Variants in PARVB observed in about 807,000 individuals in gnomAD.
The protein encoded by PARVB is parvin beta.
PARVB carries 46 observed loss-of-function variants against 47.0 expected under a neutral mutation model. That is an observed-to-expected ratio of 0.98 (90% confidence interval 0.77 to 1.25). The LOEUF (loss-of-function observed/expected upper bound fraction) is 1.25, where lower values mean the gene tolerates loss of function less well. Ranked by LOEUF, PARVB falls within the 50% of genes most tolerant of loss-of-function variation. PARVB has a pLI of 0.00. For missense variants in PARVB, 473 were observed against 471.6 expected, an observed-to-expected ratio of 1.00 and a Z score of -0.03; for synonymous variants, 196 against 196.3, an observed-to-expected ratio of 1.00 and a Z score of 0.01.
intron 10 of PARVB, among the ~76,000 whole-genome samples, chr22:44,154,525 A>T (rs1601693127): frequency 7.8e-6 from 1 of 128,074 alleles, no homozygotes; most frequent in African/African-American, 3.1e-5. Flanking sequence ...TGGTTTATGT[A>T]GTCTGGTGGG....
chr22:44,008,093 T>G (rs140806177), intron 2 of PARVB, among the ~76,000 whole-genome samples: 12 of 152,222 alleles, frequency 7.9e-5, no homozygotes, highest in African/African-American at 2.2e-4. Context: ...ACAGGTTTTT[T>G]TTGTTGTTGT....
At chr22:44,024,517 G>C (rs896267830) in intron 1 of PARVB, 66 bp downstream of exon 1, 2 of 818,706 alleles carry the variant, frequency 2.4e-6, no homozygotes, top group African/African-American at 3.7e-5. Context: ...CTCGGCCCTA[G>C]AGCCCCACGA....
intron 7 of PARVB, among the ~76,000 whole-genome samples, chr22:44,137,328 CT>C (rs2053459095): frequency 6.6e-6 from 1 of 152,214 alleles, no homozygotes; most frequent in Non-Finnish European, 1.5e-5. Context: ...GCCTCCCAGT[CT>C]GCCCCAGGCC....
At chr22:44,014,127 T>G (rs1488496399) in intron 2 of PARVB, among the ~76,000 whole-genome samples, 2 of 152,194 alleles carry the variant, frequency 1.3e-5, no homozygotes, top group African/African-American at 4.8e-5. Context: ...TGTTCAAGGG[T>G]CCTGTGTTTG....
Position 44,068,782 on chromosome 22 carries a change from A to T in PARVB, c.113-25146A>T, listed in dbSNP as rs1014166024. Among the ~76,000 whole-genome samples the T allele has an allele frequency of 2.6e-5, 4 of 152,176 alleles. No individual in the cohort carries two copies. Among genetic ancestry groups the T allele is most frequent in the Admixed American group, 6.5e-5 (1 of 15,286 alleles). Reference sequence around the variant, plus strand: ...AGAGAGCAAAGGCAGTGGGAGGCCAATGTCTGTTGTTCAGTTTAGCTCTGA... The same window carrying T: ...AGAGAGCAAAGGCAGTGGGAGGCCATTGTCTGTTGTTCAGTTTAGCTCTGA... On this transcript the variant is annotated intron_variant, in intron 1 of 12. Transcript: ENST00000338758. This position sits in a 1 kb window ranked among gnomAD's most constrained non-coding sequence, Gnocchi z 4.1.
chr22:44,134,020 G>A (rs1188297917), intron 6 of PARVB, among the ~76,000 whole-genome samples: 2 of 152,198 alleles, frequency 1.3e-5, no homozygotes, highest in Non-Finnish European at 2.9e-5. Context: ...TTGAGGTCAC[G>A]CTCGGAACCT....
chr22:44,154,265 C>A (rs993156742), intron 10 of PARVB, among the ~76,000 whole-genome samples: 2 of 152,188 alleles, frequency 1.3e-5, no homozygotes, highest in African/African-American at 2.4e-5. Context: ...AACCACTGGT[C>A]CCCCAGAAAA....
intron 1 of PARVB, among the ~76,000 whole-genome samples, chr22:44,065,564 G>C (rs1281503813): frequency 2.0e-5 from 3 of 152,094 alleles, no homozygotes; most frequent in Non-Finnish European, 4.4e-5. Flanking sequence ...AGATTTTGGT[G>C]CACCCATCAC....
intron 8 of PARVB, chr22:44,143,021 C>T (rs2267618): frequency 0.44 from 66,354 of 152,114 alleles, 15,422 homozygotes; most frequent in Non-Finnish European, 0.51. Context: ...CCCGAGAGCA[C>T]CCCAGGGTGC....
chr22:44,127,594 A>G (rs981706013), intron 4 of PARVB, among the ~76,000 whole-genome samples: 4 of 152,226 alleles, frequency 2.6e-5, no homozygotes, highest in African/African-American at 9.6e-5. Context: ...GCTGTCAGCC[A>G]TTAGTGGTCA....
intron 9 of PARVB, chr22:44,148,285 G>T: frequency 5.8e-6 from 2 of 345,560 alleles, no homozygotes. Flanking sequence ...CAGTAAACAC[G>T]CAGGCCTGTG....
intron 4 of PARVB, among the ~76,000 whole-genome samples, chr22:44,129,070 C>A (rs2053253297): frequency 6.6e-6 from 1 of 152,076 alleles, no homozygotes; most frequent in African/African-American, 2.4e-5. Flanking sequence ...GAGAGTGAAA[C>A]TCCATCTCAA....
intron 4 of PARVB, among the ~76,000 whole-genome samples, chr22:44,128,027 C>G (rs62227724): frequency 0.041 from 6,315 of 152,286 alleles, 244 homozygotes; most frequent in South Asian, 0.18. Context: ...AAACGATCCT[C>G]CCACCTTGGC....
At chr22:44,053,379 G>C (rs1271470276) in intron 1 of PARVB, among the ~76,000 whole-genome samples, 5 of 151,934 alleles carry the variant, frequency 3.3e-5, no homozygotes, top group Admixed American at 3.3e-4. Flanking sequence ...ACCGCGCCCA[G>C]CCTGATGTTA....
intron 8 of PARVB, 159 bp from the exon 9 acceptor site, chr22:44,147,702 T>A (rs770011038): frequency 6.5e-6 from 5 of 769,756 alleles, no homozygotes; most frequent in South Asian, 4.1e-5. Flanking sequence ...ATCATCAGGG[T>A]CAGCCCTTTC....
At chr22:44,120,666 C>T (rs905372060) in intron 4 of PARVB, among the ~76,000 whole-genome samples, 1 of 152,060 alleles carries the variant, frequency 6.6e-6, no homozygotes, top group Non-Finnish European at 1.5e-5. Flanking sequence ...GTTAAAAAAA[C>T]CACTTTTTTA....
intron 8 of PARVB, chr22:44,142,087 TGAG>T (rs2053562845): frequency 6.6e-6 from 1 of 151,924 alleles, no homozygotes; most frequent in Non-Finnish European, 1.5e-5. Flanking sequence ...GGCCTAAAGA[TGAG>T]GAGAGGGCCG....
intron 1 of PARVB, among the ~76,000 whole-genome samples, chr22:44,033,093 A>G (rs1190227539): frequency 2.0e-5 from 3 of 152,184 alleles, no homozygotes; most frequent in Non-Finnish European, 1.5e-5. Flanking sequence ...CTCCAGTGCT[A>G]TTGTTTTTTT....
intron 4 of PARVB, among the ~76,000 whole-genome samples, chr22:44,129,539 A>G (rs2053264884): frequency 6.6e-6 from 1 of 152,178 alleles, no homozygotes; most frequent in African/African-American, 2.4e-5. Context: ...CAGACCACCC[A>G]GTTCTGTATG....
Sources: gnomAD v4.1 joint callset for allele counts (sites outside exome capture counted in the v4.1 genomes callset) on GRCh38, gnomAD v4.1.1 for gene constraint, Gnocchi (gnomAD v3.1) non-coding constraint, MANE v1.5 for transcripts, NCBI Gene and HGNC (gene_info 2026-07-23, HGNC 2026-07-21) for gene names.